LAMA3: variants seen among roughly 807,000 people sequenced by gnomAD.
The protein encoded by LAMA3 is laminin subunit alpha 3.
A neutral mutation model predicts 402.0 loss-of-function variants in LAMA3; 281 were observed. The ratio of observed to expected loss-of-function variants is 0.70; its 90% CI spans 0.63 to 0.77. LAMA3 has a LOEUF of 0.77. LAMA3 is among the 30% of genes least tolerant of loss of function. The pLI, the probability that LAMA3 is intolerant of heterozygous loss-of-function variation, is 0.00. For synonymous variants in LAMA3, 1,431 were observed against 1,558.4 expected, an observed-to-expected ratio of 0.92 and a Z score of 1.93; for missense variants, 3,840 against 4,215.5, an observed-to-expected ratio of 0.91 and a Z score of 2.47.
intron 2 of LAMA3, among the ~76,000 whole-genome samples, chr18:23,714,772 GAACCCTTTTCATCTTGCAA>G (rs1416617665): frequency 1.3e-5 from 2 of 152,042 alleles, no homozygotes; most frequent in African/African-American, 4.8e-5. Flanking sequence ...TCCATCTCTA[GAACCCTTTTCATCTTGCAA>G]AACTGAAACT....
In LAMA3 at chr18:23,949,838, C is replaced by T; in HGVS notation, c.9425C>T (p.Ser3142Phe). The T allele has an allele frequency of 6.2e-7, 1 of 1,614,026 alleles. No homozygotes were observed. Among genetic ancestry groups the T allele is most frequent in the Non-Finnish European group, 8.5e-7 (1 of 1,179,960 alleles). ...GATTCAAAACCCTTGTATACCCCTT[C>T]TTCAAGCTTCGGGGTGTCTTCCTGC... is the stretch of plus-strand genomic sequence containing the variant. The part of the protein sequence containing the change: ...QLDSKPLYTP[S>F]SSFGVSSCLG... Residue 3142 changes from serine to phenylalanine, a missense_variant, in exon 71 of 75, where the codon TCT (serine) becomes TTT (phenylalanine). Physicochemically the swap from Ser to Phe is radical, Grantham distance 155. Coordinates refer to ENST00000313654, the MANE Select transcript of LAMA3 (RefSeq NM_198129.4).
chr18:23,809,622 G>A (rs1187637578), intron 12 of LAMA3, among the ~76,000 whole-genome samples: 1 of 152,136 alleles, frequency 6.6e-6, no homozygotes, highest in African/African-American at 2.4e-5. Context: ...GTGGGAAGGG[G>A]GCCAAGAGGA....
chr18:23,872,988 G>C, intron 38 of LAMA3: 2 of 1,609,870 alleles, frequency 1.2e-6, no homozygotes. Context: ...AGGAAGGGCA[G>C]GTATAAGAGG....
At chr18:23,722,377 C>T (rs2061230533) in intron 2 of LAMA3, among the ~76,000 whole-genome samples, 1 of 152,200 alleles carries the variant, frequency 6.6e-6, no homozygotes, top group Non-Finnish European at 1.5e-5. Flanking sequence ...TCCTTAAGCT[C>T]AGCAGCTGTG....
chr18:23,704,779 C>T (rs1333018533), intron 1 of LAMA3, among the ~76,000 whole-genome samples: 1 of 152,160 alleles, frequency 6.6e-6, no homozygotes, highest in Non-Finnish European at 1.5e-5. Context: ...CCAGAAACTA[C>T]GTTAGGGAGC....
chr18:23,759,044 G>GA (rs1555686508), intron 7 of LAMA3, among the ~76,000 whole-genome samples: 14 of 148,194 alleles, frequency 9.4e-5, no homozygotes, highest in Admixed American at 2.0e-4. Context: ...TAAGAAAAGC[G>GA]TTTTTTTTTT....
chr18:23,877,146 G>A (rs2064748677), intron 39 of LAMA3, among the ~76,000 whole-genome samples: 1 of 152,294 alleles, frequency 6.6e-6, no homozygotes, highest in East Asian at 1.9e-4. Context: ...AGGTCGTGGG[G>A]AAGGGAAAGT....
In LAMA3 at chr18:23,827,473, C is replaced by G; in HGVS notation, c.2823+6C>G. The G allele has an allele frequency of 6.2e-7, 1 of 1,613,832 alleles. No homozygotes were observed. The highest frequency in any genetic ancestry group is 8.5e-7 in the Non-Finnish European group (1 of 1,179,966). On this transcript the variant is annotated splice_donor_region_variant and intron_variant, in intron 23 of 74. Transcript: ENST00000313654. ...TGGACCTCAGCGGGAGAGAGGTGGG[C>G]CAGCCTTTTATTTATTATCAAAGTT...
intron 39 of LAMA3, among the ~76,000 whole-genome samples, chr18:23,877,797 C>T (rs774022295): frequency 3.2e-4 from 48 of 152,144 alleles, no homozygotes; most frequent in Non-Finnish European, 6.6e-4. Context: ...TTGTGTAACA[C>T]GAGTAGATGC....
At chr18:23,849,136 G>T (rs1012107008) in intron 32 of LAMA3, among the ~76,000 whole-genome samples, 5 of 152,334 alleles carry the variant, frequency 3.3e-5, no homozygotes, top group South Asian at 2.1e-4. Context: ...CTCAGGTAGT[G>T]GGGGGTAGAA....
intron 74 of LAMA3, among the ~76,000 whole-genome samples, chr18:23,953,577 GGT>G (rs2083002402): frequency 6.6e-6 from 1 of 151,962 alleles, no homozygotes; most frequent in Non-Finnish European, 1.5e-5. Flanking sequence ...CCTGACCTCA[GGT>G]GATCCACCCG....
intron 62 of LAMA3, among the ~76,000 whole-genome samples, chr18:23,923,734 T>C (rs915800859): frequency 4.6e-5 from 7 of 152,152 alleles, no homozygotes; most frequent in Non-Finnish European, 1.0e-4. Context: ...CCAGTGGGCT[T>C]ACCCAGAGCC....
At chr18:23,691,851 C>A (rs2060594307) in intron 1 of LAMA3, among the ~76,000 whole-genome samples, 1 of 152,220 alleles carries the variant, frequency 6.6e-6, no homozygotes, top group African/African-American at 2.4e-5. Flanking sequence ...GGATTACAGG[C>A]ATGAGCCACT....
chr18:23,954,257 C>G (rs377760804), intron 74 of LAMA3, among the ~76,000 whole-genome samples: 1 of 151,884 alleles, frequency 6.6e-6, no homozygotes, highest in Non-Finnish European at 1.5e-5. Flanking sequence ...TAAAAATTAG[C>G]CCAGGGTGGT....
chr18:23,813,679 T>G (rs2063121967), intron 14 of LAMA3, among the ~76,000 whole-genome samples: 1 of 151,446 alleles, frequency 6.6e-6, no homozygotes, highest in African/African-American at 2.4e-5. Context: ...GTAACTGGGA[T>G]TACAGGCACG....
intron 60 of LAMA3, 136 bp downstream of exon 60, chr18:23,916,831 A>C (rs962846142): frequency 3.5e-6 from 3 of 866,620 alleles, no homozygotes; most frequent in Middle Eastern, 2.9e-4. Flanking sequence ...CTTTTCCTCC[A>C]CCCAGTTGTA....
intron 29 of LAMA3, among the ~76,000 whole-genome samples, chr18:23,843,857 C>T (rs893727023): frequency 6.6e-6 from 1 of 152,222 alleles, no homozygotes; most frequent in African/African-American, 2.4e-5. Context: ...ATGCCATGTC[C>T]TCTCATGCCA....
intron 68 of LAMA3, among the ~76,000 whole-genome samples, chr18:23,940,230 C>A (rs923656508): frequency 2.6e-5 from 4 of 152,188 alleles, no homozygotes; most frequent in African/African-American, 9.6e-5. Flanking sequence ...GGGGAGGGCG[C>A]AGGGAGGACA....
At chr18:23,816,343 T>G (rs752288528) in intron 17 of LAMA3, 45 bp from the exon 18 acceptor site, 378 of 1,457,182 alleles carry the variant, frequency 2.6e-4, no homozygotes, top group Middle Eastern at 3.5e-4. Context: ...GCGCTCAGTG[T>G]GGAGATGGTT....
Sources: gnomAD v4.1 joint callset for allele counts (sites outside exome capture counted in the v4.1 genomes callset) on GRCh38, gnomAD v4.1.1 for gene constraint, MANE v1.5 for transcripts, NCBI Gene and HGNC (gene_info 2026-07-23, HGNC 2026-07-21) for gene names.